The following PRKN variants were observed in gnomAD, a reference collection of about 807,000 sequenced individuals.
The protein encoded by PRKN is parkin RBR E3 ubiquitin protein ligase, also known as E3 ubiquitin-protein ligase parkin.
In PRKN, 56 loss-of-function variants were observed where a neutral mutation model predicts 59.5. The observed-to-expected ratio is 0.94, with a 90% CI of 0.76 to 1.18. The LOEUF (loss-of-function observed/expected upper bound fraction) is 1.18, where lower values mean the gene tolerates loss of function less well. Among genes scored for constraint, PRKN ranks in the 50% most tolerant of loss-of-function variants. The pLI is 0.00. For synonymous variants in PRKN, 250 were observed against 222.1 expected (o/e 1.13, Z -1.12); for missense variants, 657 against 596.4 (o/e 1.10, Z -1.06).
At chr6:162,329,559 C>A (rs1287250733) in intron 2 of PRKN, among the ~76,000 whole-genome samples, 1 of 152,026 alleles carries the variant, frequency 6.6e-6, no homozygotes. Flanking sequence ...TCAGCATTTG[C>A]AGTACATTAA....
chr6:162,387,357 G>T (rs1786887881), intron 2 of PRKN, among the ~76,000 whole-genome samples: 1 of 151,738 alleles, frequency 6.6e-6, no homozygotes, highest in Admixed American at 6.6e-5. Flanking sequence ...TAGTTCTTAA[G>T]CTCAATTTAC....
intron 1 of PRKN, among the ~76,000 whole-genome samples, chr6:162,612,747 T>C (rs1317118478): frequency 6.6e-6 from 1 of 152,102 alleles, no homozygotes; most frequent in African/African-American, 2.4e-5. Context: ...AGAGTTACGC[T>C]TTCCAGACGC....
chr6:161,891,998 C>T (rs1795361625), intron 6 of PRKN, among the ~76,000 whole-genome samples: 1 of 152,132 alleles, frequency 6.6e-6, no homozygotes. Flanking sequence ...AATACATTTC[C>T]TTTGCATCCT....
chr6:161,691,516 T>C (rs1785792746), intron 7 of PRKN, among the ~76,000 whole-genome samples: 1 of 152,242 alleles, frequency 6.6e-6, no homozygotes, highest in Non-Finnish European at 1.5e-5. Flanking sequence ...TTTCTGCATC[T>C]CTGTTTTTGA....
chr6:162,285,889 G>A (rs550904871), intron 2 of PRKN, among the ~76,000 whole-genome samples: 6 of 152,242 alleles, frequency 3.9e-5, no homozygotes, highest in East Asian at 3.9e-4. Context: ...ATAAATACAC[G>A]ACAAAATGGT....
chr6:162,690,717 C>T (rs897443314), intron 1 of PRKN, among the ~76,000 whole-genome samples: 4 of 152,202 alleles, frequency 2.6e-5, no homozygotes, highest in Admixed American at 6.5e-5. Flanking sequence ...ATTTTCCTCT[C>T]GTACTAGAAA....
rs191657813 is a variant in PRKN, at chr6:161,440,654, T to C, written c.1084-53777A>G. On this transcript the variant is annotated intron_variant, in intron 9 of 11. Coordinates refer to ENST00000366898, the MANE Select transcript of PRKN (RefSeq NM_004562.3). This position sits in a 1 kb window ranked among gnomAD's most constrained non-coding sequence, Gnocchi z 4.1. Reference sequence around the variant, plus strand: ...AAGTGAAGAGGTGAGGCAGTAAAAATTCATAACATATCTATCACAAATGCA... The same window carrying C: ...AAGTGAAGAGGTGAGGCAGTAAAAACTCATAACATATCTATCACAAATGCA... Among the ~76,000 whole-genome samples, 11 of 152,246 alleles carry C rather than the reference T, an allele frequency of 7.2e-5. No homozygotes were observed. In the East Asian group the frequency reaches 2.1e-3, roughly 29 times the overall value.
At chr6:162,120,699 G>A (rs1349289981) in intron 4 of PRKN, among the ~76,000 whole-genome samples, 3 of 152,302 alleles carry the variant, frequency 2.0e-5, no homozygotes, top group African/African-American at 4.8e-5. Context: ...ATTCCTGCAT[G>A]TCTCTCTGCC....
At chr6:161,725,296 A>G (rs1455940312) in intron 7 of PRKN, among the ~76,000 whole-genome samples, 1 of 152,202 alleles carries the variant, frequency 6.6e-6, no homozygotes. Context: ...TATAAAGACA[A>G]TGGGTAGGGT....
rs868308580 is a variant in PRKN, at chr6:161,874,034, A to T, written c.735-88126T>A. Among the ~76,000 whole-genome samples the T allele has an allele frequency of 9.4e-3, 351 of 37,218 alleles. 1 individual carries two copies. Among genetic ancestry groups the T allele is most frequent in the Non-Finnish European group, 0.02 (265 of 13,530 alleles). 24.4% of individuals were successfully genotyped at this position (37,218 alleles called of 152,430 possible). On this transcript the variant is annotated intron_variant, in intron 6 of 11. Transcript: ENST00000366898. ...ATATATTATATGTAAAATATATATA[A>T]AATATATATTATATGTAAAATATAA...
chr6:161,649,706 C>T (rs1272797234), intron 7 of PRKN, among the ~76,000 whole-genome samples: 2 of 152,020 alleles, frequency 1.3e-5, no homozygotes, highest in Non-Finnish European at 2.9e-5. Flanking sequence ...CAAAGTATGG[C>T]CAACTGTATC....
chr6:161,761,913 T>A (rs540389086), intron 7 of PRKN, among the ~76,000 whole-genome samples: 6 of 152,208 alleles, frequency 3.9e-5, no homozygotes, highest in Admixed American at 1.3e-4. Context: ...GATTCCAGAA[T>A]GGAACAGGAC....
chr6:162,449,744 G>GGC (rs1790499894), intron 1 of PRKN, among the ~76,000 whole-genome samples: 1 of 152,016 alleles, frequency 6.6e-6, no homozygotes. Context: ...TATACATAGA[G>GGC]GCCAGGATTT....
chr6:161,626,557 G>C lies in PRKN; in HGVS notation c.872-57141C>G, dbSNP rs2872956. On this transcript the variant is annotated intron_variant, in intron 7 of 11. Coordinates refer to ENST00000366898, the MANE Select transcript of PRKN (RefSeq NM_004562.3). ...GAAAGAACACGGAGCGTGTCTGGAG[G>C]ATGCCGGCAAAGCTGAGAAGCCAAA... Among the ~76,000 whole-genome samples, 144 of 152,332 alleles carry C rather than the reference G, an allele frequency of 9.5e-4. 5 individuals carry two copies. The East Asian group carries it at 0.024, about 25-fold the overall frequency.
Position 162,208,929 on chromosome 6 carries a change from C to T in PRKN, c.413-7677G>A, listed in dbSNP as rs1017143033. Reference sequence around the variant, plus strand: ...GCTGAAACTGGATCCCTTCCTTACACCTTATACAAAAATTAAATCAAGATG... The same window carrying T: ...GCTGAAACTGGATCCCTTCCTTACATCTTATACAAAAATTAAATCAAGATG... On this transcript the variant is annotated intron_variant, in intron 3 of 11. Transcript: ENST00000366898. Among the ~76,000 whole-genome samples the T allele has an allele frequency of 1.1e-4, 17 of 152,188 alleles. 1 individual carries two copies. Among genetic ancestry groups the T allele is most frequent in the African/African-American group, 4.1e-4 (17 of 41,506 alleles).
intron 2 of PRKN, among the ~76,000 whole-genome samples, chr6:162,375,021 G>A (rs1462254909): frequency 3.3e-5 from 5 of 152,052 alleles, no homozygotes; most frequent in Admixed American, 2.0e-4. Context: ...GGATAATCTA[G>A]TGTGATTTTA....
Position 162,646,794 on chromosome 6 carries a change from C to G in PRKN, c.7+80868G>C, listed in dbSNP as rs1365805820. The stretch of plus-strand genomic sequence containing the variant: ...ACAAGCTGAACAGCATGTTACTCTA[C>G]TGCATACTGTAGGCAACTGTAACAC... On this transcript the variant is annotated intron_variant, in intron 1 of 11. Coordinates refer to ENST00000366898, the MANE Select transcript of PRKN (RefSeq NM_004562.3). Among the ~76,000 whole-genome samples, 8 of 152,144 alleles carry G rather than the reference C, an allele frequency of 5.3e-5. No homozygotes were observed. The East Asian group carries it at 1.5e-3, about 29-fold the overall frequency.
intron 8 of PRKN, among the ~76,000 whole-genome samples, chr6:161,557,264 A>G (rs1456210207): frequency 6.6e-6 from 1 of 152,192 alleles, no homozygotes; most frequent in Non-Finnish European, 1.5e-5. Flanking sequence ...CTTAAGAACA[A>G]AAAGTATTCA....
intron 2 of PRKN, among the ~76,000 whole-genome samples, chr6:162,316,023 T>C (rs571799666): frequency 1.1e-4 from 17 of 150,922 alleles, no homozygotes; most frequent in Non-Finnish European, 2.5e-4. Flanking sequence ...CAGCAGACAA[T>C]GGGCTAATGC....
Sources: gnomAD v4.1 joint callset for allele counts (sites outside exome capture counted in the v4.1 genomes callset) on GRCh38, gnomAD v4.1.1 for gene constraint, Gnocchi (gnomAD v3.1) non-coding constraint, MANE v1.5 for transcripts, NCBI Gene and HGNC (gene_info 2026-07-23, HGNC 2026-07-21) for gene names.